Variants in MYOF observed in about 807,000 individuals in gnomAD.
The protein encoded by MYOF is myoferlin.
Under a neutral mutation model 284.2 loss-of-function variants are expected in MYOF, and 244 were observed. That is an observed-to-expected ratio of 0.86 (90% CI 0.77 to 0.95). The LOEUF (loss-of-function observed/expected upper bound fraction) is 0.95, where lower values mean the gene tolerates loss of function less well. Ranked by LOEUF, MYOF falls within the 40% of genes least tolerant of loss-of-function variation. MYOF has a pLI of 0.00. For missense variants in MYOF, 2,496 were observed against 2,560.6 expected, an observed-to-expected ratio of 0.97 and a Z score of 0.54; for synonymous variants, 904 against 919.7, an observed-to-expected ratio of 0.98 and a Z score of 0.31.
At chr10:93,478,437 G>A (rs1367007346) in intron 1 of MYOF, 5 of 160,020 alleles carry the variant, frequency 3.1e-5, no homozygotes, top group East Asian at 1.8e-4. Flanking sequence ...CTACACCTGC[G>A]CTGCTGAACA....
chr10:93,389,291 A>C, intron 17 of MYOF, 137 bp from the exon 18 acceptor site: 1 of 931,924 alleles, frequency 1.1e-6, no homozygotes, highest in Non-Finnish European at 1.5e-6. Context: ...AGTTGTAAGC[A>C]CCATGAGGTT....
chr10:93,406,288 T>TATATATATATATATATATATA (rs1554855592), intron 7 of MYOF, among the ~76,000 whole-genome samples: 1 of 58,128 alleles, frequency 1.7e-5, no homozygotes, highest in Non-Finnish European at 4.3e-5. Context: ...TAAACCTCTT[T>TATATATATATATATATATATA]TATATATATA....
At chr10:93,439,702 G>A (rs936173324) in intron 3 of MYOF, among the ~76,000 whole-genome samples, 3 of 152,214 alleles carry the variant, frequency 2.0e-5, no homozygotes, top group Non-Finnish European at 4.4e-5. Flanking sequence ...TTAAAAGGAT[G>A]ATATGGCAAG....
At chr10:93,350,097 T>C (rs1411184223) in intron 35 of MYOF, 128 bp from the exon 36 acceptor site, 2 of 946,302 alleles carry the variant, frequency 2.1e-6, no homozygotes, top group Non-Finnish European at 3.1e-6. Flanking sequence ...CTAGTAAGCT[T>C]GTAGGTCATC....
intron 3 of MYOF, among the ~76,000 whole-genome samples, chr10:93,446,339 A>G (rs544150093): frequency 1.4e-3 from 220 of 152,362 alleles, no homozygotes; most frequent in African/African-American, 5.2e-3. Context: ...TCCTTCAAGT[A>G]AGTCACTGAT....
At chr10:93,434,065 C>G (rs1344691914) in intron 3 of MYOF, among the ~76,000 whole-genome samples, 2 of 152,168 alleles carry the variant, frequency 1.3e-5, no homozygotes, top group Admixed American at 6.6e-5. Context: ...AGTGCACTTT[C>G]TTGTAAAGAA....
chr10:93,378,693 G>GTGTGTGTGTGTGTGTGTGTATATATA, intron 21 of MYOF, among the ~76,000 whole-genome samples: 1 of 87,894 alleles, frequency 1.1e-5, no homozygotes, highest in African/African-American at 4.8e-5. Flanking sequence ...GTGTGTGTGT[G>GTGTGTGTGTGTGTGTGTGTATATATA]TATATATATA....
At chr10:93,461,093 T>TAAGAAAAGAAAAGAAAAGAA (rs3980372) in intron 1 of MYOF, among the ~76,000 whole-genome samples, 6 of 151,518 alleles carry the variant, frequency 4.0e-5, no homozygotes, top group African/African-American at 1.2e-4. Context: ...AAACTCCATC[T>TAAGAAAAGAAAAGAAAAGAA]AAGAAAAGAA....
At chr10:93,455,336 C>A (rs961791108) in intron 2 of MYOF, among the ~76,000 whole-genome samples, 3 of 150,368 alleles carry the variant, frequency 2.0e-5, no homozygotes, top group African/African-American at 7.3e-5. Flanking sequence ...AAAAAAAACC[C>A]CCAAGGCATT....
chr10:93,315,725 G>A (rs1295865330), intron 50 of MYOF, among the ~76,000 whole-genome samples: 2 of 152,178 alleles, frequency 1.3e-5, no homozygotes, highest in Non-Finnish European at 2.9e-5. Flanking sequence ...AAAGGTGAGA[G>A]TTGAAGCATG....
intron 45 of MYOF, 145 bp downstream of exon 45, chr10:93,328,618 T>C: frequency 1.3e-6 from 1 of 759,426 alleles, no homozygotes; most frequent in South Asian, 3.3e-5. Context: ...AGCAGAACTC[T>C]GACGTGGCTG....
In MYOF at chr10:93,366,363, C is replaced by T. The variant is rs142137435; in HGVS notation, c.2753+29G>A. 248 of 1,603,156 alleles carry T rather than the reference C, an allele frequency of 1.5e-4. 1 individual carries two copies. In the East Asian group the frequency reaches 4.9e-3, roughly 31 times the overall value. On this transcript the variant is annotated intron_variant, in intron 26 of 53. Coordinates refer to ENST00000359263, the MANE Select transcript of MYOF (RefSeq NM_013451.4). ...TTCTAGAGAAAGATTTCATTGCTAT[C>T]CTTTTTACTCAGAAAATGGACAACT...
chr10:93,394,153 G>C (rs1846837848), intron 16 of MYOF, among the ~76,000 whole-genome samples: 1 of 152,146 alleles, frequency 6.6e-6, no homozygotes, highest in African/African-American at 2.4e-5. Context: ...CCAGGCTGGA[G>C]TGTAATGGTG....
chr10:93,475,832 G>T (rs978177992), intron 1 of MYOF, among the ~76,000 whole-genome samples: 2 of 152,140 alleles, frequency 1.3e-5, no homozygotes, highest in Admixed American at 1.3e-4. Context: ...AAGGAGGAAA[G>T]AAAAACAAGG....
At chr10:93,373,209 C>T in intron 23 of MYOF, 124 bp from the exon 24 acceptor site, 3 of 1,139,526 alleles carry the variant, frequency 2.6e-6, no homozygotes, top group Non-Finnish European at 3.8e-6. Flanking sequence ...GTGGTTAGGG[C>T]TCTGTCTCAA....
intron 15 of MYOF, 43 bp from the exon 16 acceptor site, chr10:93,396,267 C>A (rs2134065009): frequency 7.2e-7 from 1 of 1,382,372 alleles, no homozygotes; most frequent in Non-Finnish European, 9.9e-7. Context: ...ATAAAAGGTT[C>A]AGAGCTCCAT....
chr10:93,425,831 C>G (rs1391528444), intron 5 of MYOF: 1 of 544,854 alleles, frequency 1.8e-6, no homozygotes, highest in Non-Finnish European at 3.3e-6. Flanking sequence ...GCTTTTTGTG[C>G]TCACCGTGAG....
At chr10:93,339,383 G>A (rs933791264) in intron 39 of MYOF, among the ~76,000 whole-genome samples, 1 of 152,106 alleles carries the variant, frequency 6.6e-6, no homozygotes, top group African/African-American at 2.4e-5. Context: ...GTGTGTGTGT[G>A]TGTGTGTGTG....
chr10:93,352,470 T>C (rs1455282912), intron 32 of MYOF, among the ~76,000 whole-genome samples: 2 of 152,236 alleles, frequency 1.3e-5, no homozygotes, highest in Non-Finnish European at 1.5e-5. Context: ...CAGATGCTCA[T>C]AGAGTTTACA....
Sources: gnomAD v4.1 joint callset for allele counts (sites outside exome capture counted in the v4.1 genomes callset) on GRCh38, gnomAD v4.1.1 for gene constraint, MANE v1.5 for transcripts, NCBI Gene and HGNC (gene_info 2026-07-23, HGNC 2026-07-21) for gene names.